VRTN: variants seen among roughly 807,000 people sequenced by gnomAD.
VRTN encodes vertebrae development associated, also known as vertnin.
A neutral mutation model predicts 18.2 loss-of-function variants in VRTN; 5 were observed. The ratio of observed to expected loss-of-function variants is 0.27; its 90% CI spans 0.14 to 0.58. The LOEUF is 0.58. Among genes scored for constraint, VRTN ranks in the 20% least tolerant of loss-of-function variants. VRTN has a pLI of 0.91. For missense variants in VRTN, 741 were observed against 939.4 expected (o/e 0.79, Z 2.76); for synonymous variants, 381 against 393.7 (o/e 0.97, Z 0.38).
chr14:74,343,643 G>A (rs1177792943), upstream of VRTN, among the ~76,000 whole-genome samples: 2 of 152,128 alleles, frequency 1.3e-5, no homozygotes, highest in South Asian at 4.1e-4. Context: ...ATTAAATGGA[G>A]TTCATGCTAT....
In VRTN at chr14:74,358,111, C is replaced by T; in HGVS notation, c.1328C>T (p.Ala443Val). The T allele has an allele frequency of 6.2e-7, 1 of 1,614,142 alleles. No individual in the cohort carries two copies. Among genetic ancestry groups the T allele is most frequent in the Non-Finnish European group, 8.5e-7 (1 of 1,180,032 alleles). Reference sequence around the variant, plus strand: ...ACTTATTATAATTGGCGGCGAAAGGCCCTCCGGAGGAACCCCAGCTTCAAG... The same window carrying T: ...ACTTATTATAATTGGCGGCGAAAGGTCCTCCGGAGGAACCCCAGCTTCAAG... Reference protein sequence around the residue: ...RSTYYNWRRKALRRNPSFKPA... With the variant: ...RSTYYNWRRKVLRRNPSFKPA... The change falls in exon 2 of 2, where the codon GCC becomes GTC. Residue 443 changes from alanine (A) to valine (V), a missense_variant. Ala to Val is a moderately conservative substitution (Grantham distance 64, BLOSUM62 0). Coordinates refer to ENST00000256362, the MANE Select transcript of VRTN (RefSeq NM_018228.3). The surrounding 1 kb of genome is among the most constrained non-coding windows in gnomAD (Gnocchi z 5.4).
chr14:74,310,045 G>C (rs1595161338), intron 1 of VRTN, among the ~76,000 whole-genome samples: 1 of 152,132 alleles, frequency 6.6e-6, no homozygotes, highest in East Asian at 1.9e-4. Flanking sequence ...TATCAAAGGA[G>C]GAGCAGTTAA....
intron 1 of VRTN, among the ~76,000 whole-genome samples, chr14:74,317,947 A>G (rs1010083094): frequency 4.6e-5 from 7 of 152,160 alleles, no homozygotes; most frequent in Non-Finnish European, 8.8e-5. Context: ...GCTACAAAGC[A>G]AGACCTCATC....
intron 1 of VRTN, among the ~76,000 whole-genome samples, chr14:74,318,332 G>A (rs1471628420): frequency 2.0e-5 from 3 of 150,560 alleles, no homozygotes; most frequent in Non-Finnish European, 2.9e-5. Context: ...GCGCAATGGC[G>A]TGATCTCGGC....
At chr14:74,311,175 G>GT (rs2085386271) in intron 1 of VRTN, among the ~76,000 whole-genome samples, 1 of 151,986 alleles carries the variant, frequency 6.6e-6, no homozygotes, top group Admixed American at 6.6e-5. Context: ...TAATCAACTA[G>GT]TTTTTTAATT....
At chr14:74,333,034 C>T (rs1427433829) in intron 1 of VRTN, among the ~76,000 whole-genome samples, 4 of 152,182 alleles carry the variant, frequency 2.6e-5, no homozygotes, top group African/African-American at 9.6e-5. Context: ...GCAGAAATCA[C>T]ATTCTTTGTC....
Position 74,318,646 on chromosome 14 carries a change from A to G in VRTN, c.-164+15470A>G, listed in dbSNP as rs192892617. Among the ~76,000 whole-genome samples, 497 of 151,314 alleles carry G rather than the reference A, an allele frequency of 3.3e-3. 3 individuals are homozygous for G. The highest frequency in any genetic ancestry group is 0.012 in the African/African-American group (474 of 41,216). On this transcript the variant is annotated intron_variant, in intron 1 of 2. Coordinates refer to the VRTN transcript ENST00000557177. ...AGGCTGGTCTCGGACTCCTGACCTC[A>G]GGTGATCCGCCCGCCTTGGCCTCCC...
intron 1 of VRTN, among the ~76,000 whole-genome samples, chr14:74,334,875 A>C (rs75896367): frequency 0.029 from 4,392 of 152,260 alleles, 87 homozygotes; most frequent in Middle Eastern, 0.051. Context: ...TTCTGGCAGT[A>C]GATAAGAGTA....
At chr14:74,313,512 G>C (rs1248050423) in intron 1 of VRTN, among the ~76,000 whole-genome samples, 1 of 152,166 alleles carries the variant, frequency 6.6e-6, no homozygotes, top group African/African-American at 2.4e-5. Context: ...CTGGTTCAAA[G>C]GACGGTGACA....
At chr14:74,329,725 T>G (rs889391633) in intron 1 of VRTN, among the ~76,000 whole-genome samples, 1 of 151,544 alleles carries the variant, frequency 6.6e-6, no homozygotes, top group Non-Finnish European at 1.5e-5. Context: ...ACTACAGGTA[T>G]GTGCCACCAT....
At chr14:74,340,252 A>C (rs142029976) in intron 2 of VRTN, among the ~76,000 whole-genome samples, 6 of 151,806 alleles carry the variant, frequency 4.0e-5, no homozygotes, top group South Asian at 2.1e-4. Context: ...AGCTGGGATT[A>C]TAGGCATGTG....
intron 1 of VRTN, among the ~76,000 whole-genome samples, chr14:74,353,885 G>C (rs550756407): frequency 9.1e-4 from 138 of 152,182 alleles, no homozygotes; most frequent in African/African-American, 3.1e-3. Flanking sequence ...AGCGTGCCCG[G>C]CTAATTTTTT....
At chr14:74,303,215 A>ATC in intron 1 of VRTN, 1 of 348,914 alleles carries the variant, frequency 2.9e-6, no homozygotes, top group Non-Finnish European at 5.1e-6. Flanking sequence ...GATGTTTTAC[A>ATC]TATTCTCCCA....
chr14:74,356,873 T>C lies in VRTN; in HGVS notation c.90T>C (p.Ala30=), dbSNP rs1012102247. The C allele has an allele frequency of 6.2e-7, 1 of 1,613,976 alleles. No homozygotes were observed. The highest frequency in any genetic ancestry group is 8.5e-7 in the Non-Finnish European group (1 of 1,179,956). ...AAGGCCTGGAGGGTCTCATAGGTGCTTCCTTGGAGGCCAAGCAGGTCCTGT... is the reference window on the plus strand; with the variant it reads ...AAGGCCTGGAGGGTCTCATAGGTGCCTCCTTGGAGGCCAAGCAGGTCCTGT... ...ECEGLEGLIG[A]SLEAKQVLSS... Residue 30 remains alanine, a synonymous_variant, in exon 2 of 2, where the codon GCT becomes GCC. Transcript: ENST00000256362.
intron 1 of VRTN, among the ~76,000 whole-genome samples, chr14:74,350,454 G>T (rs1251080319): frequency 6.6e-6 from 1 of 152,136 alleles, no homozygotes; most frequent in African/African-American, 2.4e-5. Flanking sequence ...TGGACGTTGT[G>T]TTGGAAGGTA....
intron 2 of VRTN, among the ~76,000 whole-genome samples, chr14:74,338,311 T>A (rs1486875401): frequency 6.6e-6 from 1 of 152,166 alleles, no homozygotes; most frequent in Non-Finnish European, 1.5e-5. Flanking sequence ...GAAGCCAGCA[T>A]CAGCCTGACA....
intron 1 of VRTN, among the ~76,000 whole-genome samples, chr14:74,310,233 A>T (rs892718689): frequency 1.3e-4 from 19 of 151,992 alleles, no homozygotes; most frequent in Non-Finnish European, 1.6e-4. Context: ...CCCCGTCTCT[A>T]CTAAAAATAC....
At chr14:74,332,103 AAGGTCCCAT>A (rs2085529911) in intron 1 of VRTN, among the ~76,000 whole-genome samples, 1 of 152,058 alleles carries the variant, frequency 6.6e-6, no homozygotes, top group South Asian at 2.1e-4. Context: ...AAAAAAAAGG[AAGGTCCCAT>A]CTCTGAGCCC....
intron 1 of VRTN, among the ~76,000 whole-genome samples, chr14:74,315,038 C>A (rs2085411279): frequency 6.6e-6 from 1 of 152,092 alleles, no homozygotes; most frequent in Non-Finnish European, 1.5e-5. Context: ...TTTCTATGGC[C>A]TGCCTTGGGA....
Sources: allele counts gnomAD v4.1 joint callset (sites outside exome capture counted in the v4.1 genomes callset), GRCh38; gene constraint gnomAD v4.1.1; non-coding constraint Gnocchi (gnomAD v3.1); transcripts MANE v1.5; gene names NCBI Gene and HGNC (gene_info 2026-07-23, HGNC 2026-07-21).